VXN: variants seen among roughly 807,000 people sequenced by gnomAD.
VXN encodes the protein vexin.
Under a neutral mutation model 23.1 loss-of-function variants are expected in VXN, and 7 were observed. The observed-to-expected ratio is 0.30, with a 90% CI of 0.17 to 0.57. The LOEUF is 0.57. Among genes scored for constraint, VXN ranks in the 20% least tolerant of loss-of-function variants. The probability of loss-of-function intolerance (pLI) is 0.91; values close to 1 mark genes in which losing one functional copy is unlikely to be tolerated. For synonymous variants in VXN, 120 were observed against 105.8 expected (o/e 1.13, Z -0.83); for missense variants, 238 against 272.6 (o/e 0.87, Z 0.89).
intron 2 of VXN, among the ~76,000 whole-genome samples, chr8:66,503,081 C>T (rs576239216): frequency 6.6e-6 from 1 of 152,072 alleles, no homozygotes; most frequent in Non-Finnish European, 1.5e-5. Context: ...CTCCTGGGTT[C>T]AATGATCCGC....
chr8:66,515,791 G>A (rs1807880646), intron 5 of VXN, 102 bp from the exon 6 acceptor site: 7 of 985,926 alleles, frequency 7.1e-6, no homozygotes, highest in Non-Finnish European at 1.0e-5. Flanking sequence ...TCACTGAGGA[G>A]GAGCAGAGGA....
intron 4 of VXN, among the ~76,000 whole-genome samples, chr8:66,512,294 G>A (rs1406360831): frequency 4.6e-5 from 7 of 152,150 alleles, no homozygotes; most frequent in Admixed American, 4.6e-4. Context: ...CTTTCACCCA[G>A]AGATAAGGGG....
intron 2 of VXN, among the ~76,000 whole-genome samples, chr8:66,502,592 C>T (rs1425010511): frequency 6.6e-6 from 1 of 151,810 alleles, no homozygotes; most frequent in Non-Finnish European, 1.5e-5. Context: ...ACTAAAAATA[C>T]AAAAATTAGC....
In VXN at chr8:66,513,752, C is replaced by T. The variant is rs564844214; in HGVS notation, c.440+115C>T. On this transcript the variant is annotated intron_variant, in intron 5 of 5. Transcript: ENST00000305454. ...CAGACCCTCGAGAGGCCAACACAAA[C>T]CCATGCCAGCTGCAAATTATCTTTT... is the stretch of plus-strand genomic sequence containing the variant. The T allele has an allele frequency of 1.2e-4, 87 of 716,078 alleles. 1 individual carries two copies. In the South Asian group the frequency reaches 1.4e-3, roughly 12 times the overall value. 44.4% of individuals were successfully genotyped at this position (716,078 alleles called of 1,614,324 possible). A position where few individuals can be genotyped will look rare whatever the true frequency, so the allele number is the denominator to read the frequency against.
chr8:66,496,818 T>C (rs1807631766), intron 2 of VXN, among the ~76,000 whole-genome samples: 1 of 152,206 alleles, frequency 6.6e-6, no homozygotes, highest in Non-Finnish European at 1.5e-5. Context: ...TGTTTTCCTA[T>C]TGTTGGCATT....
At chr8:66,508,694 C>A (rs1310521176) in intron 3 of VXN, among the ~76,000 whole-genome samples, 1 of 152,176 alleles carries the variant, frequency 6.6e-6, no homozygotes, top group African/African-American at 2.4e-5. Flanking sequence ...GCAAGACCAC[C>A]CAAAGTCAGT....
At chr8:66,510,874 G>T (rs1436749147) in intron 4 of VXN, among the ~76,000 whole-genome samples, 2 of 152,112 alleles carry the variant, frequency 1.3e-5, no homozygotes, top group Non-Finnish European at 2.9e-5. Flanking sequence ...CCTCCCAAAG[G>T]TCCTGCTCCC....
At chr8:66,513,200 A>C (rs1180827510) in intron 4 of VXN, among the ~76,000 whole-genome samples, 1 of 152,108 alleles carries the variant, frequency 6.6e-6, no homozygotes, top group African/African-American at 2.4e-5. Context: ...GCCATATAAG[A>C]CTGAGCTGCG....
At chr8:66,496,155 G>A (rs1313260584) in intron 1 of VXN, among the ~76,000 whole-genome samples, 1 of 144,138 alleles carries the variant, frequency 6.9e-6, no homozygotes, top group African/African-American at 3.0e-5. Flanking sequence ...TCAAGGCTGA[G>A]TAATATTCCA....
intron 4 of VXN, among the ~76,000 whole-genome samples, chr8:66,511,650 CAGCCCTTAAGCT>C (rs1360392632): frequency 1.3e-5 from 2 of 152,226 alleles, no homozygotes; most frequent in Admixed American, 1.3e-4. Context: ...TGCCTGGCCC[CAGCCCTTAAGCT>C]GGCTTCAGAC....
intron 2 of VXN, 172 bp from the exon 3 acceptor site, chr8:66,505,203 T>C (rs1425253062): frequency 4.5e-6 from 4 of 887,900 alleles, no homozygotes; most frequent in Admixed American, 2.0e-5. Context: ...CAGTCACTTC[T>C]GGCCGGTTTC....
chr8:66,515,896 C>T lies in VXN; in HGVS notation c.444C>T (p.Ser148=). 1 of 1,591,224 alleles carries T rather than the reference C, an allele frequency of 6.3e-7. No individual in the cohort carries two copies. The highest frequency in any genetic ancestry group is 8.6e-7 in the Non-Finnish European group (1 of 1,169,442). ...CCCACTCCTGGCTTTTCTTTAGATC[C>T]AGACATCTCAAGAAGATGACTGAAG... is the stretch of plus-strand genomic sequence containing the variant. ...TEKGAVLMRG[S]RHLKKMTEEY... is the part of the protein sequence containing the mutation. The change falls in exon 6 of 6, where the codon TCC becomes TCT. Residue 148 remains serine (S), a synonymous_variant. Transcript: ENST00000305454.
chr8:66,512,824 A>AGGGAGCACCCGCTGCT (rs1160119286), intron 4 of VXN, among the ~76,000 whole-genome samples: 1 of 152,154 alleles, frequency 6.6e-6, no homozygotes, highest in Non-Finnish European at 1.5e-5. Context: ...GCATCAGAGA[A>AGGGAGCACCCGCTGCT]GGGAGCACCC....
At chr8:66,498,547 C>T (rs1202877717) in intron 2 of VXN, among the ~76,000 whole-genome samples, 1 of 152,160 alleles carries the variant, frequency 6.6e-6, no homozygotes, top group Admixed American at 6.5e-5. Flanking sequence ...AAACCTCCAG[C>T]GGATGCCTGA....
intron 3 of VXN, 74 bp from the exon 4 acceptor site, chr8:66,510,022 T>C (rs1182924288): frequency 7.2e-7 from 1 of 1,380,968 alleles, no homozygotes; most frequent in Non-Finnish European, 1.0e-6. Flanking sequence ...GCTAACAAGG[T>C]AATTGATGCA....
intron 2 of VXN, chr8:66,503,343 C>T (rs1807712225): frequency 6.6e-6 from 1 of 152,120 alleles, no homozygotes; most frequent in Non-Finnish European, 1.5e-5. Flanking sequence ...CCCCTCAGCC[C>T]CAAAGCATTG....
At chr8:66,497,415 C>T (rs889568541) in intron 2 of VXN, among the ~76,000 whole-genome samples, 4 of 152,190 alleles carry the variant, frequency 2.6e-5, no homozygotes, top group Non-Finnish European at 5.9e-5. Context: ...TGGGGGCTTC[C>T]AGTAATGCTT....
intron 2 of VXN, among the ~76,000 whole-genome samples, chr8:66,502,937 C>T (rs548343096): frequency 9.9e-5 from 15 of 151,874 alleles, no homozygotes; most frequent in African/African-American, 3.6e-4. Context: ...GCCCCCACCT[C>T]CTGGGCTCAG....
rs1242466318 is a variant in VXN, at chr8:66,518,450, T to C, written c.*2374T>C. ...ATTTCATGTTGAACTGTTTGCCTTG[T>C]ATGGAACATTTTACTTGGCCAATTC... On this transcript the variant is annotated 3_prime_UTR_variant, in exon 6 of 6. Coordinates refer to ENST00000305454, the MANE Select transcript of VXN (RefSeq NM_152765.4). 5 of 152,256 alleles carry C rather than the reference T, an allele frequency of 3.3e-5. No homozygotes were observed. Among genetic ancestry groups the C allele is most frequent in the African/African-American group, 1.2e-4 (5 of 41,472 alleles). The allele number at this position is 152,256 out of a possible 1,614,324, so 9.4% of individuals were successfully genotyped here. A position where few individuals can be genotyped will look rare whatever the true frequency, so the allele number is the denominator to read the frequency against.
Sources: allele counts gnomAD v4.1 joint callset (sites outside exome capture counted in the v4.1 genomes callset), GRCh38; gene constraint gnomAD v4.1.1; transcripts MANE v1.5; gene names NCBI Gene and HGNC (gene_info 2026-07-23, HGNC 2026-07-21).